The following SLCO1A2 variants were observed in gnomAD, a reference collection of about 807,000 sequenced individuals.
The protein encoded by SLCO1A2 is OATP-1.
In SLCO1A2, 67 loss-of-function variants were observed where a neutral mutation model predicts 69.0. The observed-to-expected ratio is 0.97, with a 90% CI of 0.80 to 1.19. The LOEUF (loss-of-function observed/expected upper bound fraction) is 1.19, where lower values mean the gene tolerates loss of function less well. Ranked by LOEUF, SLCO1A2 falls within the 50% of genes most tolerant of loss-of-function variation. The pLI is 0.00. For synonymous variants in SLCO1A2, 260 were observed against 265.9 expected (o/e 0.98, Z 0.22); for missense variants, 787 against 793.7 (o/e 0.99, Z 0.10).
Position 21,334,902 on chromosome 12 carries a change from T to G in SLCO1A2, c.-138A>C, listed in dbSNP as rs2136961646. 1 of 373,326 alleles carries G rather than the reference T, an allele frequency of 2.7e-6. No homozygotes were observed. Among genetic ancestry groups the G allele is most frequent in the African/African-American group, 2.1e-5 (1 of 47,308 alleles). The allele number at this position is 373,326 out of a possible 1,614,324, so 23.1% of individuals were successfully genotyped here. On this transcript the variant is annotated 5_prime_UTR_variant, in exon 1 of 15. Transcript: ENST00000683939. The stretch of plus-strand genomic sequence containing the variant: ...GTTGTTGGTTTTCTATTTCAAAAGG[T>G]ACATCAAATAACTTTAGTGACTCTT...
intron 1 of SLCO1A2, among the ~76,000 whole-genome samples, chr12:21,392,009 A>G (rs187594720): frequency 2.0e-5 from 3 of 152,278 alleles, no homozygotes; most frequent in Admixed American, 6.5e-5. Flanking sequence ...AAAGGGGAAG[A>G]GTTAATGAAG....
chr12:21,267,389 TTGAG>T lies in SLCO1A2; in HGVS notation c.*2155_*2158del, dbSNP rs1380404092. 4 of 152,104 alleles carry T rather than the reference TTGAG, an allele frequency of 2.6e-5. No homozygotes were observed. The highest frequency in any genetic ancestry group is 7.2e-5 in the African/African-American group (3 of 41,432). The allele number at this position is 152,104 out of a possible 1,614,324, so 9.4% of individuals were successfully genotyped here. ...GGGATGATGAATGGGCCTCAGGAGC[TTGAG>T]TAAGTTTTTGCTTATTCAGTTTTGC... On this transcript the variant is annotated 3_prime_UTR_variant, in exon 15 of 15. Coordinates refer to ENST00000683939, the MANE Select transcript of SLCO1A2 (RefSeq NM_001386879.1).
At chr12:21,309,359 G>A (rs951016538) in intron 4 of SLCO1A2, among the ~76,000 whole-genome samples, 2 of 152,144 alleles carry the variant, frequency 1.3e-5, no homozygotes, top group Non-Finnish European at 1.5e-5. Context: ...CAATGGAGGA[G>A]ACAGATTTAT....
intron 1 of SLCO1A2, among the ~76,000 whole-genome samples, chr12:21,391,385 A>G (rs1490648955): frequency 1.3e-5 from 2 of 152,142 alleles, no homozygotes; most frequent in African/African-American, 4.8e-5. Context: ...GTTGTCTGTT[A>G]GTTAAATGGC....
chr12:21,363,359 C>G (rs932978033), intron 2 of SLCO1A2, among the ~76,000 whole-genome samples: 8 of 152,088 alleles, frequency 5.3e-5, no homozygotes, highest in Non-Finnish European at 1.0e-4. Context: ...AGAACAAAGA[C>G]ACAACATACC....
At chr12:21,386,391 T>C (rs574672833) in intron 1 of SLCO1A2, among the ~76,000 whole-genome samples, 3 of 152,258 alleles carry the variant, frequency 2.0e-5, no homozygotes, top group Non-Finnish European at 4.4e-5. Flanking sequence ...CAAAATCTCA[T>C]CTTGAATTGT....
At chr12:21,369,816 G>A (rs1939654268) in intron 2 of SLCO1A2, among the ~76,000 whole-genome samples, 1 of 152,192 alleles carries the variant, frequency 6.6e-6, no homozygotes, top group Non-Finnish European at 1.5e-5. Flanking sequence ...ACCAAGATAA[G>A]TGACAGTGAT....
chr12:21,306,733 G>A (rs1415752794), intron 5 of SLCO1A2, 149 bp downstream of exon 5: 6 of 526,932 alleles, frequency 1.1e-5, no homozygotes, highest in Middle Eastern at 3.1e-4. Flanking sequence ...TATTCTTATT[G>A]CCCATTGTAA....
chr12:21,301,164 G>C lies in SLCO1A2; in HGVS notation c.688+7C>G. Reference sequence around the variant, plus strand: ...AGACACTGTACAAATAGATTTTATTGAATTACCTGTGTTCACAAATCCAGT... The same window carrying C: ...AGACACTGTACAAATAGATTTTATTCAATTACCTGTGTTCACAAATCCAGT... On this transcript the variant is annotated splice_region_variant and intron_variant, in intron 7 of 14. Coordinates refer to ENST00000683939, the MANE Select transcript of SLCO1A2 (RefSeq NM_001386879.1). 1 of 1,588,954 alleles carries C rather than the reference G, an allele frequency of 6.3e-7. No individual in the cohort carries two copies. The highest frequency in any genetic ancestry group is 8.6e-7 in the Non-Finnish European group (1 of 1,158,980).
chr12:21,384,995 G>A (rs1243017968), intron 1 of SLCO1A2, among the ~76,000 whole-genome samples: 1 of 152,024 alleles, frequency 6.6e-6, no homozygotes, highest in Admixed American at 6.6e-5. Context: ...TCGATCTCCT[G>A]ACCTCGTCAT....
At chr12:21,364,701 T>G (rs1043084630) in intron 2 of SLCO1A2, among the ~76,000 whole-genome samples, 1 of 152,152 alleles carries the variant, frequency 6.6e-6, no homozygotes, top group African/African-American at 2.4e-5. Flanking sequence ...CAGCAAAATC[T>G]CAGGATACAA....
At chr12:21,367,035 A>C (rs1284008139) in intron 2 of SLCO1A2, among the ~76,000 whole-genome samples, 1 of 152,126 alleles carries the variant, frequency 6.6e-6, no homozygotes, top group Non-Finnish European at 1.5e-5. Flanking sequence ...AAAAAGATCC[A>C]CACCAAAGCA....
At chr12:21,402,484 TAC>T (rs1366645876) in intron 1 of SLCO1A2, among the ~76,000 whole-genome samples, 2 of 152,108 alleles carry the variant, frequency 1.3e-5, no homozygotes, top group East Asian at 1.9e-4. Flanking sequence ...TATTTTTGCA[TAC>T]AGTTAATTAA....
At chr12:21,297,962 T>C (rs1565480797) in intron 8 of SLCO1A2, among the ~76,000 whole-genome samples, 1 of 152,228 alleles carries the variant, frequency 6.6e-6, no homozygotes, top group Non-Finnish European at 1.5e-5. Flanking sequence ...TGTTCTGTTC[T>C]GTAAAGTCTG....
intron 2 of SLCO1A2, among the ~76,000 whole-genome samples, chr12:21,367,301 A>T (rs1364882122): frequency 6.6e-6 from 1 of 152,180 alleles, no homozygotes; most frequent in Admixed American, 6.5e-5. Context: ...TTCCATCAAA[A>T]TAAGGACATA....
intron 1 of SLCO1A2, among the ~76,000 whole-genome samples, chr12:21,387,284 T>C (rs1047921631): frequency 1.3e-5 from 2 of 152,120 alleles, no homozygotes; most frequent in Non-Finnish European, 2.9e-5. Context: ...AGAAGCCAAA[T>C]GCTAATCACC....
At chr12:21,339,671 C>T (rs1953003342), upstream of SLCO1A2, among the ~76,000 whole-genome samples, 1 of 151,868 alleles carries the variant, frequency 6.6e-6, no homozygotes, top group South Asian at 2.1e-4. Context: ...AGTGGAAAGT[C>T]ACTCCCACTC....
intron 2 of SLCO1A2, 126 bp downstream of exon 2, chr12:21,334,462 C>G (rs1178930519): frequency 1.8e-5 from 12 of 651,866 alleles, no homozygotes; most frequent in East Asian, 8.7e-5. Flanking sequence ...AAGAAATTAT[C>G]AATAGAACAG....
At chr12:21,313,054 C>T (rs1201491024) in intron 4 of SLCO1A2, among the ~76,000 whole-genome samples, 1 of 152,092 alleles carries the variant, frequency 6.6e-6, no homozygotes, top group African/African-American at 2.4e-5. Context: ...CCACTACACC[C>T]CACCTTGGGC....
Sources: allele counts gnomAD v4.1 joint callset (sites outside exome capture counted in the v4.1 genomes callset), GRCh38; gene constraint gnomAD v4.1.1; transcripts MANE v1.5; gene names NCBI Gene and HGNC (gene_info 2026-07-23, HGNC 2026-07-21).